The following TRAK2 variants were observed in gnomAD, a reference collection of about 807,000 sequenced individuals.
TRAK2 encodes trafficking kinesin-binding protein 2.
TRAK2 carries 81 observed loss-of-function variants against 104.6 expected under a neutral mutation model. The ratio of observed to expected loss-of-function variants is 0.77; its 90% CI spans 0.65 to 0.93. The LOEUF is 0.93. Ranked by LOEUF, TRAK2 falls within the 40% of genes least tolerant of loss-of-function variation. The pLI is 0.00. For synonymous variants in TRAK2, 406 were observed against 394.4 expected, an observed-to-expected ratio of 1.03 and a Z score of -0.35; for missense variants, 1,002 against 1,089.0, an observed-to-expected ratio of 0.92 and a Z score of 1.12.
intron 1 of TRAK2, chr2:201,423,470 G>C (rs753549453): frequency 6.6e-6 from 1 of 152,122 alleles, no homozygotes; most frequent in African/African-American, 2.4e-5. Context: ...TGCTTAATGC[G>C]TATGGGGATT....
At chr2:201,443,416 C>T (rs1438869769) in intron 1 of TRAK2, among the ~76,000 whole-genome samples, 5 of 152,232 alleles carry the variant, frequency 3.3e-5, no homozygotes, top group Admixed American at 6.5e-5. Context: ...CTCACTGGAT[C>T]ATCCCATTCC....
intron 1 of TRAK2, among the ~76,000 whole-genome samples, chr2:201,421,577 C>A (rs1306065654): frequency 6.6e-6 from 1 of 151,192 alleles, no homozygotes; most frequent in Non-Finnish European, 1.5e-5. Context: ...GTGGGGGGGG[C>A]AAAATTCATC....
At chr2:201,390,301 T>C (rs111823453) in intron 10 of TRAK2, among the ~76,000 whole-genome samples, 4 of 151,652 alleles carry the variant, frequency 2.6e-5, no homozygotes, top group African/African-American at 4.8e-5. Flanking sequence ...TCCCAGCACT[T>C]TGGGAGGCCA....
chr2:201,401,671 T>A (rs544745099), intron 3 of TRAK2, among the ~76,000 whole-genome samples: 1 of 152,218 alleles, frequency 6.6e-6, no homozygotes, highest in South Asian at 2.1e-4. Context: ...AAAATCTTTC[T>A]CCCATCTAGG....
intron 2 of TRAK2, among the ~76,000 whole-genome samples, chr2:201,416,699 G>C (rs902455621): frequency 6.6e-6 from 1 of 151,994 alleles, no homozygotes; most frequent in Admixed American, 6.6e-5. Context: ...GAATGGTAGG[G>C]GGAAATGGAA....
Position 201,381,104 on chromosome 2 carries a change from T to C in TRAK2, c.2184A>G (p.Arg728=). The C allele has an allele frequency of 6.2e-6, 10 of 1,613,898 alleles. No homozygotes were observed. The highest frequency in any genetic ancestry group is 2.2e-5 in the East Asian group (1 of 44,872). ...TACTGAAGGTTGTAGTGGAATCTCG[T>C]CGGTTGGTGATGGACTCACCAATGC... ...RLSIGESITN[R]RDSTTTFSST... is the part of the protein sequence containing the mutation. The change falls in exon 16 of 16, where the codon CGA becomes CGG. Residue 728 remains arginine, a synonymous_variant. Coordinates refer to ENST00000332624, the MANE Select transcript of TRAK2 (RefSeq NM_015049.3).
intron 2 of TRAK2, chr2:201,412,381 G>A (rs1576522071): frequency 7.5e-7 from 1 of 1,337,928 alleles, no homozygotes; most frequent in East Asian, 2.3e-5. Flanking sequence ...TACAGTTGGA[G>A]TTACATTTAA....
chr2:201,419,106 T>G (rs187499166), intron 2 of TRAK2: 5 of 152,258 alleles, frequency 3.3e-5, no homozygotes, highest in Admixed American at 2.0e-4. Flanking sequence ...AGTAAGCACA[T>G]GAAAAGGTGC....
intron 2 of TRAK2, among the ~76,000 whole-genome samples, chr2:201,410,025 C>T (rs756524720): frequency 5.3e-5 from 8 of 152,318 alleles, no homozygotes; most frequent in East Asian, 1.9e-4. Flanking sequence ...GGGCCGGGCG[C>T]GGTGGCTCAC....
chr2:201,423,337 G>A (rs933473292), intron 1 of TRAK2, among the ~76,000 whole-genome samples: 16 of 152,056 alleles, frequency 1.1e-4, no homozygotes, highest in East Asian at 1.9e-4. Context: ...CTAAAAACAC[G>A]CTAAGTGGAA....
intron 2 of TRAK2, chr2:201,412,689 T>A (rs1183008595): frequency 2.7e-6 from 4 of 1,484,620 alleles, no homozygotes; most frequent in African/African-American, 1.4e-5. Flanking sequence ...TAGGCTCTTG[T>A]TCAGAAGGAT....
At chr2:201,389,535 C>T in intron 11 of TRAK2, 32 bp from the exon 12 acceptor site, 1 of 1,590,414 alleles carries the variant, frequency 6.3e-7, no homozygotes, top group Non-Finnish European at 8.6e-7. Context: ...GTTATTATCA[C>T]TGCTAGCCAC....
In TRAK2 at chr2:201,378,043, C is replaced by T. The variant is rs1167036781; in HGVS notation, c.*2500G>A. On this transcript the variant is annotated 3_prime_UTR_variant, in exon 16 of 16. Transcript: ENST00000332624. ...TTCTTACTATATTTTGCAGACAATT[C>T]TAGTATTATAGAGATTATCAGGATA... 1.3e-5 allele frequency: 2 copies of T among 152,070 alleles called. No homozygotes were observed. The highest frequency in any genetic ancestry group is 2.9e-5 in the Non-Finnish European group (2 of 67,994). 9.4% of individuals were successfully genotyped at this position (152,070 alleles called of 1,614,324 possible).
intron 2 of TRAK2, chr2:201,410,551 A>C: frequency 1.7e-6 from 2 of 1,163,728 alleles, no homozygotes; most frequent in Non-Finnish European, 2.5e-6. Flanking sequence ...ACCTCACCCA[A>C]AAAGATCTTT....
intron 2 of TRAK2, among the ~76,000 whole-genome samples, chr2:201,420,122 A>G (rs1951727078): frequency 6.6e-6 from 1 of 152,198 alleles, no homozygotes; most frequent in Non-Finnish European, 1.5e-5. Context: ...ATACAAACAC[A>G]GGTAACTCTG....
At chr2:201,395,034 A>G in intron 8 of TRAK2, 162 bp from the exon 9 acceptor site, 2 of 690,026 alleles carry the variant, frequency 2.9e-6, no homozygotes, top group Non-Finnish European at 4.8e-6. Context: ...TCGAATACAA[A>G]ATCTATCAAG....
chr2:201,411,586 T>A lies in TRAK2; in HGVS notation c.92-3989A>T. Reference sequence around the variant, plus strand: ...AAAGAATTGAACTGATTAAGATTGTTTTCAATACTCAGGGGAATAAGATGA... The same window carrying A: ...AAAGAATTGAACTGATTAAGATTGTATTCAATACTCAGGGGAATAAGATGA... On this transcript the variant is annotated intron_variant, in intron 2 of 15. Transcript: ENST00000332624. 5.2e-6 allele frequency: 4 copies of A among 776,484 alleles called. No individual in the cohort carries two copies. In the South Asian group the frequency reaches 5.4e-5, roughly 10 times the overall value. The allele number at this position is 776,484 out of a possible 1,614,324, so 48.1% of individuals were successfully genotyped here. A position where few individuals can be genotyped will look rare whatever the true frequency, so the allele number is the denominator to read the frequency against.
rs754884432 is a variant in TRAK2, at chr2:201,393,001, G to A, written c.1021C>T (p.His341Tyr). ...DRNMECLGML[H>Y]ESQEEIKELR... ...TCCTTTATTTCTTCTTGGGATTCAT[G>A]TAACATTCCTAGACACTCCATATTC... The change falls in exon 10 of 16, where the codon CAT (histidine) becomes TAT (tyrosine). Residue 341 changes from histidine to tyrosine, a missense_variant. Physicochemically the swap from His to Tyr is moderately conservative, Grantham distance 83. Transcript: ENST00000332624. 3.7e-6 allele frequency: 6 copies of A among 1,613,678 alleles called. No homozygotes were observed. In the South Asian group the frequency reaches 5.5e-5, roughly 15 times the overall value.
chr2:201,398,648 C>A (rs1480247549), intron 5 of TRAK2, among the ~76,000 whole-genome samples: 1 of 151,972 alleles, frequency 6.6e-6, no homozygotes, highest in Non-Finnish European at 1.5e-5. Context: ...GAGAAAAATT[C>A]ACGTAAGATA....
Sources: allele counts gnomAD v4.1 joint callset (sites outside exome capture counted in the v4.1 genomes callset), GRCh38; gene constraint gnomAD v4.1.1; transcripts MANE v1.5; gene names NCBI Gene and HGNC (gene_info 2026-07-23, HGNC 2026-07-21).